Variants in SIK3 observed in about 807,000 individuals in gnomAD.
SIK3 encodes serine/threonine-protein kinase SIK3.
Under a neutral mutation model 144.2 loss-of-function variants are expected in SIK3, and 28 were observed. The observed-to-expected ratio is 0.19, with a 90% CI of 0.14 to 0.27. The LOEUF is 0.27. Among genes scored for constraint, SIK3 ranks in the 10% least tolerant of loss-of-function variants. The pLI is 1.00. For missense variants in SIK3, 1,319 were observed against 1,776.0 expected, an observed-to-expected ratio of 0.74 and a Z score of 4.62; for synonymous variants, 686 against 676.3, an observed-to-expected ratio of 1.01 and a Z score of -0.22.
intron 4 of SIK3, among the ~76,000 whole-genome samples, chr11:116,908,445 CT>C (rs1206240858): frequency 6.6e-6 from 1 of 152,148 alleles, no homozygotes; most frequent in African/African-American, 2.4e-5. Flanking sequence ...CGCCACTGCA[CT>C]GCAGCCTGGG....
At chr11:116,916,497 A>G (rs1366301727) in intron 4 of SIK3, among the ~76,000 whole-genome samples, 1 of 150,754 alleles carries the variant, frequency 6.6e-6, no homozygotes, top group African/African-American at 2.4e-5. Flanking sequence ...TTAAATTTCT[A>G]TAATATCACA....
intron 1 of SIK3, among the ~76,000 whole-genome samples, chr11:116,973,148 G>A (rs1256803681): frequency 6.6e-6 from 1 of 152,144 alleles, no homozygotes; most frequent in Non-Finnish European, 1.5e-5. Context: ...CCTGAGCAGA[G>A]GGCTCAGCTA....
chr11:116,884,936 T>C (rs991924999), intron 6 of SIK3, among the ~76,000 whole-genome samples: 1 of 152,232 alleles, frequency 6.6e-6, no homozygotes, highest in Non-Finnish European at 1.5e-5. Context: ...AACTGTCATG[T>C]TTTGAAACAT....
At chr11:117,088,535 A>T (rs1955112367) in intron 1 of SIK3, among the ~76,000 whole-genome samples, 1 of 152,234 alleles carries the variant, frequency 6.6e-6, no homozygotes, top group Non-Finnish European at 1.5e-5. Flanking sequence ...CATGTACTCA[A>T]TGAATATCTG....
intron 1 of SIK3, among the ~76,000 whole-genome samples, chr11:117,070,454 T>TC (rs902801818): frequency 3.3e-5 from 5 of 151,726 alleles, no homozygotes; most frequent in African/African-American, 1.2e-4. Flanking sequence ...TTTTTTTTTT[T>TC]TTCTTTTTTG....
At chr11:116,847,808 G>T (rs530660223) in intron 22 of SIK3, among the ~76,000 whole-genome samples, 200 bp from the exon 23 acceptor site, 1 of 152,164 alleles carries the variant, frequency 6.6e-6, no homozygotes, top group African/African-American at 2.4e-5. Context: ...GCCCAGTGGG[G>T]GGGCTGAGGG....
chr11:117,002,336 T>C (rs1351401590), intron 1 of SIK3, among the ~76,000 whole-genome samples: 3 of 152,046 alleles, frequency 2.0e-5, no homozygotes, highest in African/African-American at 4.8e-5. Flanking sequence ...TTAGTGTTAG[T>C]GTATTTTTAT....
At chr11:117,051,558 T>G (rs1401390825) in intron 1 of SIK3, among the ~76,000 whole-genome samples, 1 of 151,988 alleles carries the variant, frequency 6.6e-6, no homozygotes, top group Non-Finnish European at 1.5e-5. Context: ...AGACCGAGTC[T>G]CCCTCAGTCA....
intron 1 of SIK3, among the ~76,000 whole-genome samples, chr11:117,063,586 CTT>C (rs769073456): frequency 3.3e-4 from 41 of 125,840 alleles, no homozygotes; most frequent in Admixed American, 5.7e-4. Context: ...AATGAAGTTT[CTT>C]TTTTTTTTTT....
At chr11:116,890,950 G>A (rs553044164) in intron 6 of SIK3, among the ~76,000 whole-genome samples, 1 of 152,196 alleles carries the variant, frequency 6.6e-6, no homozygotes, top group African/African-American at 2.4e-5. Context: ...TTAGTAAGTC[G>A]AAATCAGCAT....
At chr11:117,042,326 T>C (rs1362092007) in intron 1 of SIK3, among the ~76,000 whole-genome samples, 2 of 152,162 alleles carry the variant, frequency 1.3e-5, no homozygotes, top group Non-Finnish European at 2.9e-5. Flanking sequence ...TTGGCTGAAA[T>C]GTGAAATACG....
chr11:116,919,554 A>T (rs1946848205), intron 4 of SIK3, among the ~76,000 whole-genome samples: 1 of 152,190 alleles, frequency 6.6e-6, no homozygotes, highest in African/African-American at 2.4e-5. Flanking sequence ...TGTTTCCACA[A>T]TTTTCAGAAC....
intron 1 of SIK3, among the ~76,000 whole-genome samples, chr11:117,013,994 T>TTTTTTTTTTTTG (rs1951413743): frequency 7.8e-6 from 1 of 127,806 alleles, no homozygotes; most frequent in Non-Finnish European, 1.7e-5. Flanking sequence ...TTTTTTTTTT[T>TTTTTTTTTTTTG]GAGACAGGAT....
chr11:117,065,286 A>T (rs1953961261), intron 1 of SIK3, among the ~76,000 whole-genome samples: 1 of 152,008 alleles, frequency 6.6e-6, no homozygotes, highest in South Asian at 2.1e-4. Flanking sequence ...TATTATTTTA[A>T]AAAATGAAAG....
At chr11:117,039,193 A>G (rs1952640544) in intron 1 of SIK3, among the ~76,000 whole-genome samples, 1 of 152,248 alleles carries the variant, frequency 6.6e-6, no homozygotes, top group African/African-American at 2.4e-5. Flanking sequence ...GAAAAAGCAT[A>G]ATTAATAAAC....
intron 3 of SIK3, among the ~76,000 whole-genome samples, chr11:116,947,184 A>AATATATAATATATAAATTATTTATATATT (rs1491357440): frequency 0.012 from 1,420 of 121,126 alleles, 101 homozygotes; most frequent in African/African-American, 0.052. Context: ...ATTTATATAT[A>AATATATAATATATAAATTATTTATATATT]ATATATTATA....
At chr11:117,033,724 AG>A (rs1952368843) in intron 1 of SIK3, among the ~76,000 whole-genome samples, 1 of 147,500 alleles carries the variant, frequency 6.8e-6, no homozygotes, top group Non-Finnish European at 1.5e-5. Flanking sequence ...AAAAAAAAAA[AG>A]AAAGAAAAGA....
At chr11:117,036,231 T>C (rs1952495181) in intron 1 of SIK3, among the ~76,000 whole-genome samples, 1 of 131,714 alleles carries the variant, frequency 7.6e-6, no homozygotes, top group South Asian at 2.5e-4. Flanking sequence ...AAAAATAAAA[T>C]TTAAAAAAAA....
intron 10 of SIK3, 51 bp downstream of exon 10, chr11:116,875,323 T>C (rs748075936): frequency 6.2e-7 from 1 of 1,613,078 alleles, no homozygotes; most frequent in African/African-American, 1.3e-5. Context: ...GAAGCAAGGA[T>C]ATGGCAAAGA....
Sources: allele counts gnomAD v4.1 joint callset (sites outside exome capture counted in the v4.1 genomes callset), GRCh38; gene constraint gnomAD v4.1.1; transcripts MANE v1.5; gene names NCBI Gene and HGNC (gene_info 2026-07-23, HGNC 2026-07-21).